The following SPIDR variants were observed in gnomAD, a reference collection of about 807,000 sequenced individuals.
SPIDR encodes DNA repair-scaffolding protein.
Under a neutral mutation model 104.6 loss-of-function variants are expected in SPIDR, and 93 were observed. That is an observed-to-expected ratio of 0.89 (90% confidence interval 0.75 to 1.06). The LOEUF (loss-of-function observed/expected upper bound fraction) is 1.06, where lower values mean the gene tolerates loss of function less well. Among genes scored for constraint, SPIDR ranks in the 50% least tolerant of loss-of-function variants. The probability of loss-of-function intolerance (pLI) is 0.00; values close to 1 mark genes in which losing one functional copy is unlikely to be tolerated. For missense variants in SPIDR, 1,154 were observed against 1,111.2 expected, an observed-to-expected ratio of 1.04 and a Z score of -0.55; for synonymous variants, 431 against 416.9, an observed-to-expected ratio of 1.03 and a Z score of -0.41.
At chr8:47,357,883 T>TA in intron 5 of SPIDR, 1 of 984,220 alleles carries the variant, frequency 1.0e-6, no homozygotes, top group South Asian at 4.7e-5. Context: ...CAGTAAATGA[T>TA]ACTGGAGAGC....
At chr8:47,423,705 C>T (rs1445634668) in intron 7 of SPIDR, among the ~76,000 whole-genome samples, 2 of 152,152 alleles carry the variant, frequency 1.3e-5, no homozygotes, top group Non-Finnish European at 2.9e-5. Context: ...ATGGGGTGGG[C>T]AGGGGAGCCC....
At chr8:47,539,728 G>T (rs1424241225) in intron 8 of SPIDR, among the ~76,000 whole-genome samples, 1 of 151,438 alleles carries the variant, frequency 6.6e-6, no homozygotes, top group South Asian at 2.1e-4. Context: ...ACAATCTTAA[G>T]GTCCTTCACT....
intron 8 of SPIDR, among the ~76,000 whole-genome samples, chr8:47,445,348 C>T (rs368892176): frequency 3.2e-4 from 48 of 152,194 alleles, no homozygotes; most frequent in African/African-American, 1.1e-3. Context: ...GTAATTATTT[C>T]GAGATGCCAT....
intron 10 of SPIDR, among the ~76,000 whole-genome samples, chr8:47,645,948 G>T (rs574527246): frequency 6.6e-6 from 1 of 152,210 alleles, no homozygotes; most frequent in East Asian, 1.9e-4. Flanking sequence ...GATTTTTCAA[G>T]ATTTTTCTTG....
intron 16 of SPIDR, among the ~76,000 whole-genome samples, chr8:47,719,572 A>G (rs1281917374): frequency 6.6e-6 from 1 of 152,034 alleles, no homozygotes; most frequent in African/African-American, 2.4e-5. Context: ...TACGGCCAGC[A>G]TTGCCAGCAG....
chr8:47,536,137 TGAA>T (rs949804950), intron 8 of SPIDR, among the ~76,000 whole-genome samples: 1 of 151,972 alleles, frequency 6.6e-6, no homozygotes, highest in Non-Finnish European at 1.5e-5. Context: ...AAAATTCTGA[TGAA>T]GAAATCAAAG....
chr8:47,729,520 A>C, intron 19 of SPIDR, 55 bp downstream of exon 19: 2 of 1,550,780 alleles, frequency 1.3e-6, no homozygotes, highest in Non-Finnish European at 1.7e-6. Flanking sequence ...CTGCATGAGC[A>C]ACTCATCCCC....
chr8:47,317,524 A>T (rs1412039345), intron 5 of SPIDR, among the ~76,000 whole-genome samples: 1 of 152,086 alleles, frequency 6.6e-6, no homozygotes, highest in Non-Finnish European at 1.5e-5. Flanking sequence ...CCACCTCTGG[A>T]GGCAGGGAAT....
chr8:47,417,681 G>C (rs1554676391), intron 7 of SPIDR, among the ~76,000 whole-genome samples: 2 of 152,306 alleles, frequency 1.3e-5, no homozygotes, highest in African/African-American at 2.4e-5. Flanking sequence ...TGGTGTTTTA[G>C]ACGTGAAGTC....
chr8:47,340,947 T>C (rs2050637787), intron 5 of SPIDR, among the ~76,000 whole-genome samples: 2 of 152,334 alleles, frequency 1.3e-5, no homozygotes, highest in South Asian at 4.1e-4. Context: ...TGTGTATCTT[T>C]TATAGTTAAA....
At chr8:47,470,433 C>T (rs548717771) in intron 8 of SPIDR, among the ~76,000 whole-genome samples, 9 of 151,728 alleles carry the variant, frequency 5.9e-5, no homozygotes, top group East Asian at 5.9e-4. Context: ...GAATTACAGG[C>T]GCCCACCACC....
chr8:47,668,869 A>G (rs899950375), intron 10 of SPIDR, among the ~76,000 whole-genome samples: 1 of 152,214 alleles, frequency 6.6e-6, no homozygotes, highest in Non-Finnish European at 1.5e-5. Context: ...TAGACAGTCT[A>G]GGCGTAGATC....
chr8:47,320,709 G>C lies in SPIDR; in HGVS notation c.525+26679G>C, dbSNP rs555192613. Among the ~76,000 whole-genome samples the C allele has an allele frequency of 5.3e-5, 8 of 152,246 alleles. No homozygotes were observed. The East Asian group carries it at 1.5e-3, about 29-fold the overall frequency. The stretch of plus-strand genomic sequence containing the variant: ...TGCAAAAATCCTCAATAAAATACTG[G>C]CAAACCAAATCCAGCATCACATGGA... On this transcript the variant is annotated intron_variant, in intron 5 of 19. Coordinates refer to ENST00000297423, the MANE Select transcript of SPIDR (RefSeq NM_001080394.4).
rs755677967 is a variant in SPIDR, at chr8:47,713,509, C to T, written c.2209C>T (p.Arg737Ter). Reference protein sequence around the residue: ...RDQGRIVCAERTVLLLQKPLL... With the variant: ...RDQGRIVCAE ...GGCAGGTCGGATTGTTTGTGCTGAACGAACTGTCCTCTTGCTTCAGAAGCC... is the reference window on the plus strand; with the variant it reads ...GGCAGGTCGGATTGTTTGTGCTGAATGAACTGTCCTCTTGCTTCAGAAGCC... The change falls in exon 16 of 20, where the codon CGA (arginine) becomes TGA (stop). Residue 737 changes from arginine to a stop codon, truncating the protein, a stop_gained. Transcript: ENST00000297423. LOFTEE classifies it high-confidence loss of function. The T allele has an allele frequency of 2.0e-5, 32 of 1,614,012 alleles. No homozygotes were observed. Among genetic ancestry groups the T allele is most frequent in the South Asian group, 4.4e-5 (4 of 91,086 alleles).
intron 10 of SPIDR, among the ~76,000 whole-genome samples, chr8:47,614,555 A>G (rs974275476): frequency 2.6e-5 from 4 of 152,166 alleles, no homozygotes; most frequent in African/African-American, 9.6e-5. Context: ...ATAGTATTCC[A>G]TGGTGTATAT....
At chr8:47,280,080 A>C in intron 2 of SPIDR, 63 bp downstream of exon 2, 2 of 1,504,794 alleles carry the variant, frequency 1.3e-6, no homozygotes, top group Non-Finnish European at 1.8e-6. Context: ...TGTTCAGAAC[A>C]TTGTAATTAC....
intron 7 of SPIDR, among the ~76,000 whole-genome samples, chr8:47,418,257 A>G (rs1323756256): frequency 3.9e-5 from 6 of 152,212 alleles, no homozygotes; most frequent in Non-Finnish European, 4.4e-5. Context: ...ATCCATGAGC[A>G]TGGAATGTTC....
At chr8:47,269,515 C>T (rs1254397417) in intron 1 of SPIDR, among the ~76,000 whole-genome samples, 15 of 150,296 alleles carry the variant, frequency 1.0e-4, no homozygotes, top group Middle Eastern at 3.4e-3. Context: ...CTTGGCCTCC[C>T]AAAGTTCTGG....
intron 8 of SPIDR, among the ~76,000 whole-genome samples, chr8:47,588,281 A>G (rs1185101220): frequency 6.7e-6 from 1 of 148,576 alleles, no homozygotes; most frequent in Non-Finnish European, 1.5e-5. Context: ...ATAAGTCATT[A>G]CATGTTTTGT....
Sources: gnomAD v4.1 joint callset for allele counts (sites outside exome capture counted in the v4.1 genomes callset) on GRCh38, gnomAD v4.1.1 for gene constraint, MANE v1.5 for transcripts, NCBI Gene and HGNC (gene_info 2026-07-23, HGNC 2026-07-21) for gene names.